Variants in POU6F2 observed in about 807,000 individuals in gnomAD.
POU6F2 encodes POU domain, class 6, transcription factor 2.
POU6F2 carries 31 observed loss-of-function variants against 71.3 expected under a neutral mutation model. The ratio of observed to expected loss-of-function variants is 0.43; its 90% CI spans 0.33 to 0.59. The LOEUF (loss-of-function observed/expected upper bound fraction) is 0.59. Ranked by LOEUF, POU6F2 falls within the 20% of genes least tolerant of loss-of-function variation. The pLI, the probability that POU6F2 is intolerant of heterozygous loss-of-function variation, is 0.04. For synonymous variants in POU6F2, 347 were observed against 355.7 expected (o/e 0.98, Z 0.27); for missense variants, 783 against 856.8 (o/e 0.91, Z 1.07).
At chr7:39,195,653 G>A (rs930458997) in intron 2 of POU6F2, among the ~76,000 whole-genome samples, 1 of 151,972 alleles carries the variant, frequency 6.6e-6, no homozygotes, top group African/African-American at 2.4e-5. Flanking sequence ...TAACAGTCTC[G>A]GTGAGTAAAA....
At chr7:39,446,460 A>G (rs563430187) in intron 7 of POU6F2, among the ~76,000 whole-genome samples, 12 of 152,370 alleles carry the variant, frequency 7.9e-5, no homozygotes, top group Non-Finnish European at 1.3e-4. Context: ...ACTTATTTTA[A>G]TATCAATGAC....
At chr7:39,390,773 G>C (rs1386635138) in intron 5 of POU6F2, among the ~76,000 whole-genome samples, 1 of 152,176 alleles carries the variant, frequency 6.6e-6, no homozygotes, top group African/African-American at 2.4e-5. Context: ...TACATGAGAA[G>C]TGGGTACTAT....
chr7:39,079,771 T>TTGAG (rs573819165), intron 1 of POU6F2, among the ~76,000 whole-genome samples: 134 of 152,114 alleles, frequency 8.8e-4, no homozygotes, highest in African/African-American at 3.1e-3. Context: ...GAATGTTGAG[T>TTGAG]TGAGGAAGGA....
intron 4 of POU6F2, 49 bp from the exon 5 acceptor site, chr7:39,339,593 G>C: frequency 6.5e-7 from 1 of 1,536,028 alleles, no homozygotes; most frequent in Non-Finnish European, 8.7e-7. Flanking sequence ...GACCCAGCAA[G>C]ACACTTTGTC....
At chr7:39,091,940 T>C (rs1791369924) in intron 2 of POU6F2, among the ~76,000 whole-genome samples, 1 of 152,160 alleles carries the variant, frequency 6.6e-6, no homozygotes, top group Non-Finnish European at 1.5e-5. Flanking sequence ...GGATTAATAA[T>C]ACATCAGACA....
intron 1 of POU6F2, among the ~76,000 whole-genome samples, chr7:39,069,668 T>C (rs1364779387): frequency 6.6e-6 from 1 of 152,174 alleles, no homozygotes; most frequent in East Asian, 1.9e-4. Flanking sequence ...TTTAGTATGT[T>C]ATATGTATTA....
chr7:39,127,952 C>T (rs928136930), intron 2 of POU6F2, among the ~76,000 whole-genome samples: 1 of 149,532 alleles, frequency 6.7e-6, no homozygotes, highest in Non-Finnish European at 1.5e-5. Context: ...ACGGCATTCT[C>T]CTGCCTCAGC....
intron 2 of POU6F2, among the ~76,000 whole-genome samples, chr7:39,100,469 C>T (rs1791546490): frequency 6.6e-6 from 1 of 152,144 alleles, no homozygotes; most frequent in Non-Finnish European, 1.5e-5. Context: ...GTTGTTGTTG[C>T]CATGGCAACC....
intron 6 of POU6F2, among the ~76,000 whole-genome samples, chr7:39,417,168 T>A (rs781397208): frequency 2.0e-5 from 3 of 152,206 alleles, no homozygotes; most frequent in Non-Finnish European, 4.4e-5. Context: ...GAGAAAACAT[T>A]AAATTCACAT....
At chr7:39,072,180 C>CA (rs1790896299) in intron 1 of POU6F2, among the ~76,000 whole-genome samples, 1 of 152,142 alleles carries the variant, frequency 6.6e-6, no homozygotes, top group African/African-American at 2.4e-5. Flanking sequence ...AGGCAAAGTG[C>CA]ATGCCCCTGT....
intron 2 of POU6F2, among the ~76,000 whole-genome samples, chr7:39,101,916 G>A (rs1312375849): frequency 6.6e-6 from 1 of 151,994 alleles, no homozygotes; most frequent in African/African-American, 2.4e-5. Flanking sequence ...ATTAAAATAG[G>A]CTTCCTCACT....
At chr7:39,015,861 A>AATATATTATATATAGAT (rs1562670740) in intron 1 of POU6F2, among the ~76,000 whole-genome samples, 6,604 of 56,736 alleles carry the variant, frequency 0.12, 2,579 homozygotes, top group East Asian at 0.27. Flanking sequence ...AGATATATAT[A>AATATATTATATATAGAT]ATATATTATA....
At chr7:39,454,653 G>C (rs1788740824) in intron 8 of POU6F2, among the ~76,000 whole-genome samples, 1 of 37,818 alleles carries the variant, frequency 2.6e-5, no homozygotes, top group African/African-American at 1.1e-4. Flanking sequence ...ATGAAGACCA[G>C]GGATATATAT....
chr7:38,991,839 T>C lies in POU6F2; in HGVS notation c.105+13781T>C, dbSNP rs552531689. 5.9e-3 allele frequency among the ~76,000 whole-genome samples: 442 copies of C among 75,222 alleles called. 5 individuals are homozygous for C. Among genetic ancestry groups the C allele is most frequent in the African/African-American group, 0.016 (392 of 24,526 alleles). The allele number at this position is 75,222 out of a possible 152,430, so 49.3% of individuals were successfully genotyped here. On this transcript the variant is annotated intron_variant, in intron 1 of 9. Coordinates refer to ENST00000518318, the MANE Select transcript of POU6F2 (RefSeq NM_001370959.1). ...CAGAGATGTTTCTTTTCCTTTCACT[T>C]CTCTCTCTCTCTCTCTCTCCCTCTC...
intron 1 of POU6F2, among the ~76,000 whole-genome samples, chr7:39,079,787 A>G (rs1237601661): frequency 2.0e-5 from 3 of 152,190 alleles, no homozygotes; most frequent in African/African-American, 7.2e-5. Flanking sequence ...AAGGAAGTGC[A>G]TGCTGGGATC....
intron 4 of POU6F2, among the ~76,000 whole-genome samples, chr7:39,295,342 G>C (rs938293408): frequency 3.3e-5 from 5 of 152,192 alleles, no homozygotes; most frequent in African/African-American, 1.2e-4. Context: ...GAGGCCCAGT[G>C]CGGTGGCTCA....
chr7:39,415,265 C>T (rs972505882), intron 6 of POU6F2, among the ~76,000 whole-genome samples: 2 of 152,222 alleles, frequency 1.3e-5, no homozygotes, highest in African/African-American at 4.8e-5. Flanking sequence ...TCAGGCGATC[C>T]ACCTGCCTCA....
At chr7:39,383,102 A>G (rs964442641) in intron 5 of POU6F2, among the ~76,000 whole-genome samples, 3 of 152,222 alleles carry the variant, frequency 2.0e-5, no homozygotes, top group African/African-American at 7.2e-5. Flanking sequence ...GACAGGTACC[A>G]AAATATTAGC....
At chr7:39,090,142 T>C (rs1407411031) in intron 2 of POU6F2, among the ~76,000 whole-genome samples, 1 of 152,156 alleles carries the variant, frequency 6.6e-6, no homozygotes, top group African/African-American at 2.4e-5. Context: ...TAAGAGTGGG[T>C]ATTTTCAATG....
Sources: gnomAD v4.1 joint callset for allele counts (sites outside exome capture counted in the v4.1 genomes callset) on GRCh38, gnomAD v4.1.1 for gene constraint, MANE v1.5 for transcripts, NCBI Gene and HGNC (gene_info 2026-07-23, HGNC 2026-07-21) for gene names.